Variants in TRAPPC8 observed in about 807,000 individuals in gnomAD.
TRAPPC8 encodes general sporulation gene 1 homolog.
A neutral mutation model predicts 174.3 loss-of-function variants in TRAPPC8; 54 were observed. The ratio of observed to expected loss-of-function variants is 0.31; its 90% CI spans 0.25 to 0.39. The LOEUF (loss-of-function observed/expected upper bound fraction) is 0.39. TRAPPC8 is among the 10% of genes least tolerant of loss of function. The pLI, the probability that TRAPPC8 is intolerant of heterozygous loss-of-function variation, is 1.00. For missense variants in TRAPPC8, 1,531 were observed against 1,699.1 expected (o/e 0.90, Z 1.74); for synonymous variants, 630 against 579.9 (o/e 1.09, Z -1.24).
chr18:31,891,477 G>C (rs2035952272), intron 11 of TRAPPC8, among the ~76,000 whole-genome samples: 1 of 152,034 alleles, frequency 6.6e-6, no homozygotes, highest in African/African-American at 2.4e-5. Context: ...CATTAATAAA[G>C]AATACAACTC....
At position 31,853,901 on chromosome 18, in the gene TRAPPC8, A is replaced by T; in HGVS notation, c.3381T>A (p.Ser1127Arg). ...VKEFHIVQVS[S>R]SSKHWKLQKS... ...TCTGTAACTTCCAGTGTTTGCTACTACTTGATACTTGCACTATGTGGAATT... is the reference window on the plus strand; with the variant it reads ...TCTGTAACTTCCAGTGTTTGCTACTTCTTGATACTTGCACTATGTGGAATT... Residue 1127 changes from serine (S) to arginine (R), a missense_variant, in exon 22 of 29, where the codon AGT (serine) becomes AGA (arginine). By Grantham distance (110) the Ser-to-Arg change is moderately radical. Coordinates refer to ENST00000283351, the MANE Select transcript of TRAPPC8 (RefSeq NM_014939.5). 1 of 1,611,766 alleles carries T rather than the reference A, an allele frequency of 6.2e-7. No homozygotes were observed. The highest frequency in any genetic ancestry group is 8.5e-7 in the Non-Finnish European group (1 of 1,179,632).
At chr18:31,926,178 T>G (rs1425231323) in intron 2 of TRAPPC8, among the ~76,000 whole-genome samples, 1 of 152,186 alleles carries the variant, frequency 6.6e-6, no homozygotes, top group Non-Finnish European at 1.5e-5. Context: ...CCGATTAAAG[T>G]ATTTTTTAAA....
chr18:31,885,623 C>T (rs1016133356), intron 12 of TRAPPC8, among the ~76,000 whole-genome samples: 13 of 151,956 alleles, frequency 8.6e-5, no homozygotes, highest in African/African-American at 3.1e-4. Context: ...CTTTGGGAAG[C>T]CGAGGTGGGC....
At chr18:31,877,923 C>CAA (rs147914322) in intron 12 of TRAPPC8, among the ~76,000 whole-genome samples, 9 of 74,606 alleles carry the variant, frequency 1.2e-4, no homozygotes, top group Admixed American at 4.6e-4. Context: ...AACTCTGTCT[C>CAA]AAAAAAAAAA....
chr18:31,881,098 C>G (rs535319392), intron 12 of TRAPPC8, among the ~76,000 whole-genome samples: 13 of 152,088 alleles, frequency 8.5e-5, no homozygotes, highest in Admixed American at 2.0e-4. Context: ...AACAAACTAT[C>G]TATCAAATAA....
intron 14 of TRAPPC8, among the ~76,000 whole-genome samples, chr18:31,873,007 CTTTTTTTT>C (rs59209328): frequency 9.9e-4 from 74 of 74,628 alleles, no homozygotes; most frequent in Non-Finnish European, 1.6e-3. Context: ...ATTCATTTTC[CTTTTTTTT>C]TTTTTTTTTT....
chr18:31,935,892 C>T (rs952538880), intron 1 of TRAPPC8, among the ~76,000 whole-genome samples: 5 of 151,392 alleles, frequency 3.3e-5, no homozygotes, highest in Non-Finnish European at 5.9e-5. Context: ...CCCGCCACCA[C>T]ACCCGGCTAA....
chr18:31,912,427 G>A (rs2036952223), intron 5 of TRAPPC8, among the ~76,000 whole-genome samples: 1 of 152,058 alleles, frequency 6.6e-6, no homozygotes, highest in South Asian at 2.1e-4. Context: ...GGAAGTGGAG[G>A]GTTGCAGTGA....
At chr18:31,899,921 G>A (rs765741206) in intron 10 of TRAPPC8, among the ~76,000 whole-genome samples, 38 of 151,892 alleles carry the variant, frequency 2.5e-4, no homozygotes, top group Non-Finnish European at 5.0e-4. Flanking sequence ...ATTCCAGGTG[G>A]GTGACAATGC....
chr18:31,904,663 T>G (rs955433823), intron 9 of TRAPPC8, among the ~76,000 whole-genome samples: 8 of 152,220 alleles, frequency 5.3e-5, no homozygotes, highest in African/African-American at 1.7e-4. Flanking sequence ...CAGCAGTATC[T>G]GCTCTAAAAT....
chr18:31,868,436 A>T (rs1457057641), intron 16 of TRAPPC8, among the ~76,000 whole-genome samples: 1 of 152,180 alleles, frequency 6.6e-6, no homozygotes, highest in East Asian at 1.9e-4. Flanking sequence ...CTCCTTTAAA[A>T]TCTCCCATAT....
At chr18:31,874,226 T>C (rs1294501085) in intron 13 of TRAPPC8, 2 of 185,928 alleles carry the variant, frequency 1.1e-5, no homozygotes, top group South Asian at 1.4e-4. Flanking sequence ...CTGTGGAATC[T>C]TTTTTTTTTT....
chr18:31,869,241 G>GA (rs1416327568), intron 16 of TRAPPC8, among the ~76,000 whole-genome samples: 1 of 151,572 alleles, frequency 6.6e-6, no homozygotes, highest in Non-Finnish European at 1.5e-5. Flanking sequence ...GAAATGAAAA[G>GA]AAAAAAATAT....
At chr18:31,837,081 C>T (rs191194206) in intron 27 of TRAPPC8, among the ~76,000 whole-genome samples, 101 of 152,116 alleles carry the variant, frequency 6.6e-4, no homozygotes, top group African/African-American at 2.2e-3. Context: ...GTATTTCTTA[C>T]ATTTCCCCAG....
rs2036408282 is a variant in TRAPPC8 at position 31,901,154 on chromosome 18, G to A, written c.1390-129C>T. 7.4e-6 allele frequency: 5 copies of A among 678,466 alleles called. No homozygotes were observed. In the South Asian group the frequency reaches 1.1e-4, roughly 14 times the overall value. The allele number at this position is 678,466 out of a possible 1,614,324, so 42.0% of individuals were successfully genotyped here. ...TGGATACACATGTATAAACTTCATA[G>A]CCTAATGCAGACTTGAAAAACACAT... is the stretch of plus-strand genomic sequence containing the variant. On this transcript the variant is annotated intron_variant, in intron 9 of 28. Coordinates refer to ENST00000283351, the MANE Select transcript of TRAPPC8 (RefSeq NM_014939.5).
chr18:31,858,495 T>C (rs2034152593), intron 19 of TRAPPC8, among the ~76,000 whole-genome samples: 1 of 152,182 alleles, frequency 6.6e-6, no homozygotes, highest in Non-Finnish European at 1.5e-5. Context: ...AACCTCAGGC[T>C]TTTAGTAACT....
At chr18:31,939,499 A>G (rs1205030078) in intron 1 of TRAPPC8, 1 of 152,212 alleles carries the variant, frequency 6.6e-6, no homozygotes, top group Non-Finnish European at 1.5e-5. Context: ...TTTCCCAACC[A>G]TTCAGTCATA....
chr18:31,837,552 C>G (rs10468902), intron 27 of TRAPPC8, among the ~76,000 whole-genome samples: 93,236 of 151,748 alleles, frequency 0.61, 29,055 homozygotes, highest in South Asian at 0.76. Context: ...ATTTGGCTGA[C>G]CTGGTGGTGT....
At chr18:31,877,076 C>A (rs2035191411) in intron 12 of TRAPPC8, among the ~76,000 whole-genome samples, 1 of 152,170 alleles carries the variant, frequency 6.6e-6, no homozygotes, top group South Asian at 2.1e-4. Context: ...TTTAGGCTGC[C>A]CCTAGGGGAA....
Sources: gnomAD v4.1 joint callset for allele counts (sites outside exome capture counted in the v4.1 genomes callset) on GRCh38, gnomAD v4.1.1 for gene constraint, MANE v1.5 for transcripts, NCBI Gene and HGNC (gene_info 2026-07-23, HGNC 2026-07-21) for gene names.